Variants in RELCH observed in about 807,000 individuals in gnomAD.
The protein encoded by RELCH is RAB11-binding protein RELCH.
Under a neutral mutation model 150.3 loss-of-function variants are expected in RELCH, and 41 were observed. The ratio of observed to expected loss-of-function variants is 0.27; its 90% confidence interval spans 0.21 to 0.35. The LOEUF is 0.35. Among genes scored for constraint, RELCH ranks in the 10% least tolerant of loss-of-function variants. The pLI is 1.00. For synonymous variants in RELCH, 478 were observed against 531.8 expected (o/e 0.90, Z 1.39); for missense variants, 1,092 against 1,467.8 (o/e 0.74, Z 4.18).
chr18:62,309,870 T>C lies in RELCH; in HGVS notation c.*4336T>C, dbSNP rs1157839432. On this transcript the variant is annotated 3_prime_UTR_variant, in exon 29 of 29. Transcript: ENST00000644646. The stretch of plus-strand genomic sequence containing the variant: ...AACTGGTATTTTGTGTTGTGTGTTA[T>C]GTATATTAAATTCTTGGTCAGTGAT... 6.6e-6 allele frequency: 1 copy of C among 152,212 alleles called. No homozygotes were observed. The highest frequency in any genetic ancestry group is 1.9e-4 in the East Asian group (1 of 5,202). The allele number at this position is 152,212 out of a possible 1,614,324, so 9.4% of individuals were successfully genotyped here. A position where few individuals can be genotyped will look rare whatever the true frequency, so the allele number is the denominator to read the frequency against.
chr18:62,218,949 C>A (rs2040657996), intron 2 of RELCH, among the ~76,000 whole-genome samples: 1 of 151,932 alleles, frequency 6.6e-6, no homozygotes. Flanking sequence ...TACAACATTG[C>A]TATTAACCTT....
Position 62,232,023 on chromosome 18 carries a change from C to G in RELCH, c.1525-309C>G, listed in dbSNP as rs145059022. The stretch of plus-strand genomic sequence containing the variant: ...AAAAACGAACATTGAGGCTGCCCTA[C>G]TCCTGTGCTATTACCCCTACTTGTT... On this transcript the variant is annotated intron_variant, in intron 9 of 28. Transcript: ENST00000644646. Among the ~76,000 whole-genome samples, 235 of 152,156 alleles carry G rather than the reference C, an allele frequency of 1.5e-3. 1 individual carries two copies. Among genetic ancestry groups the G allele is most frequent in the African/African-American group, 5.3e-3 (219 of 41,532 alleles).
At chr18:62,200,826 A>G (rs2039381678) in intron 1 of RELCH, among the ~76,000 whole-genome samples, 1 of 151,942 alleles carries the variant, frequency 6.6e-6, no homozygotes, top group Non-Finnish European at 1.5e-5. Context: ...TATTGAATGA[A>G]TTTTATATTA....
chr18:62,307,436 A>T lies in RELCH; in HGVS notation c.*1902A>T, dbSNP rs1042193224. On this transcript the variant is annotated 3_prime_UTR_variant, in exon 29 of 29. Transcript: ENST00000644646. ...TGTGAACATTTTTCTTAATTAATGA[A>T]TATATTTATTTAAGTGCTAATGTTT... The T allele has an allele frequency of 6.6e-6, 1 of 152,104 alleles. No homozygotes were observed. 9.4% of individuals were successfully genotyped at this position (152,104 alleles called of 1,614,324 possible).
intron 10 of RELCH, among the ~76,000 whole-genome samples, chr18:62,237,457 T>A (rs1403938948): frequency 6.6e-6 from 1 of 151,832 alleles, no homozygotes; most frequent in Non-Finnish European, 1.5e-5. Flanking sequence ...AATTCAAATA[T>A]GTGATCTTTT....
intron 2 of RELCH, among the ~76,000 whole-genome samples, chr18:62,213,769 A>G (rs2148328212): frequency 1.3e-5 from 2 of 149,516 alleles, no homozygotes; most frequent in East Asian, 3.9e-4. Context: ...ATTGTTTGGT[A>G]TAATCTCTAT....
intron 12 of RELCH, among the ~76,000 whole-genome samples, chr18:62,254,981 T>C (rs2042921731): frequency 6.6e-6 from 1 of 152,150 alleles, no homozygotes; most frequent in Non-Finnish European, 1.5e-5. Flanking sequence ...TTGATTAACT[T>C]CCTTCCTCAT....
chr18:62,232,275 A>G, intron 9 of RELCH, 57 bp from the exon 10 acceptor site: 2 of 1,131,706 alleles, frequency 1.8e-6, no homozygotes, highest in African/African-American at 1.5e-5. Flanking sequence ...ACTTTTCCAT[A>G]TTATTATGCA....
Position 62,280,781 on chromosome 18 carries a change from G to A in RELCH, c.3114+72G>A. 5.0e-6 allele frequency: 5 copies of A among 994,896 alleles called. 1 individual carries two copies. The South Asian group carries it at 5.5e-5, about 11-fold the overall frequency. The allele number at this position is 994,896 out of a possible 1,614,324, so 61.6% of individuals were successfully genotyped here. On this transcript the variant is annotated intron_variant, in intron 24 of 28. Coordinates refer to ENST00000644646, the MANE Select transcript of RELCH (RefSeq NM_001346231.2). The stretch of plus-strand genomic sequence containing the variant: ...TCATGATACATGTATCTGGTGGTAG[G>A]CTGCAGGGAGCATCTTACCTTTTAT...
At chr18:62,262,589 G>A (rs1387977110) in intron 16 of RELCH, among the ~76,000 whole-genome samples, 1 of 152,014 alleles carries the variant, frequency 6.6e-6, no homozygotes, top group East Asian at 1.9e-4. Context: ...AATGAATGGT[G>A]TGGAGTTAAT....
intron 1 of RELCH, among the ~76,000 whole-genome samples, chr18:62,210,134 C>T (rs2040066132): frequency 6.6e-6 from 1 of 152,148 alleles, no homozygotes; most frequent in African/African-American, 2.4e-5. Context: ...TCATTCACAT[C>T]ATTGTTTCCC....
In RELCH at chr18:62,229,318, G is replaced by A. The variant is rs117159444; in HGVS notation, c.1448+720G>A. On this transcript the variant is annotated intron_variant, in intron 8 of 28. Transcript: ENST00000644646. ...ATTTTCAGCCACAAGGTCATACTTC[G>A]TTTCCTATTAAATAGAGAGATGTTA... 6.6e-4 allele frequency among the ~76,000 whole-genome samples: 100 copies of A among 151,992 alleles called. 2 individuals carry two copies. The highest frequency in any genetic ancestry group is 5.4e-3 in the East Asian group (28 of 5,172).
intron 13 of RELCH, among the ~76,000 whole-genome samples, chr18:62,257,532 G>T (rs533665189): frequency 6.6e-6 from 1 of 152,004 alleles, no homozygotes; most frequent in Non-Finnish European, 1.5e-5. Flanking sequence ...AACAAATAGT[G>T]ACACGAGAGT....
chr18:62,257,873 C>T, intron 13 of RELCH, 75 bp from the exon 14 acceptor site: 1 of 1,137,710 alleles, frequency 8.8e-7, no homozygotes. Context: ...TTTGACCACA[C>T]TGATGTTTGT....
At chr18:62,222,785 A>C (rs957549867) in intron 5 of RELCH, among the ~76,000 whole-genome samples, 2 of 152,044 alleles carry the variant, frequency 1.3e-5, no homozygotes. Flanking sequence ...TTTAAATTCA[A>C]ATGGTTCACT....
intron 27 of RELCH, among the ~76,000 whole-genome samples, chr18:62,294,858 GT>G (rs2045326626): frequency 6.6e-6 from 1 of 152,102 alleles, no homozygotes; most frequent in Non-Finnish European, 1.5e-5. Context: ...ATTTCAGTAT[GT>G]TTTTTGAACC....
intron 1 of RELCH, among the ~76,000 whole-genome samples, chr18:62,188,370 T>A (rs2038315582): frequency 6.6e-6 from 1 of 152,188 alleles, no homozygotes; most frequent in Non-Finnish European, 1.5e-5. Flanking sequence ...TTTTCCTTTT[T>A]CTCCAGTTAC....
At chr18:62,260,475 T>C (rs1416298843) in intron 15 of RELCH, among the ~76,000 whole-genome samples, 1 of 151,376 alleles carries the variant, frequency 6.6e-6, no homozygotes, top group Non-Finnish European at 1.5e-5. Context: ...TGGAAAACAG[T>C]GTGGAAGTTC....
chr18:62,257,926 G>T lies in RELCH; in HGVS notation c.1897-22G>T, dbSNP rs746568229. The stretch of plus-strand genomic sequence containing the variant: ...TTCTGTGCTTAGGTGTAAATAAATA[G>T]TAAAAACATGTTTATTTTCAGAAAG... On this transcript the variant is annotated intron_variant, in intron 13 of 28. Transcript: ENST00000644646. The T allele has an allele frequency of 2.6e-6, 4 of 1,566,322 alleles. No homozygotes were observed. The South Asian group carries it at 4.7e-5, about 18-fold the overall frequency.
Sources: allele counts gnomAD v4.1 joint callset (sites outside exome capture counted in the v4.1 genomes callset), GRCh38; gene constraint gnomAD v4.1.1; transcripts MANE v1.5; gene names NCBI Gene and HGNC (gene_info 2026-07-23, HGNC 2026-07-21).